The following KCTD8 variants were observed in gnomAD, a reference collection of about 807,000 sequenced individuals.
KCTD8 encodes potassium channel tetramerization domain containing 8, also known as BTB/POZ domain-containing protein KCTD8.
Under a neutral mutation model 31.5 loss-of-function variants are expected in KCTD8, and 27 were observed. The observed-to-expected ratio is 0.86, with a 90% CI of 0.63 to 1.18. The LOEUF (loss-of-function observed/expected upper bound fraction) is 1.18. Ranked by LOEUF, KCTD8 falls within the 50% of genes most tolerant of loss-of-function variation. The pLI, the probability that KCTD8 is intolerant of heterozygous loss-of-function variation, is 0.00. For synonymous variants in KCTD8, 290 were observed against 280.0 expected (o/e 1.04, Z -0.36); for missense variants, 658 against 647.7 (o/e 1.02, Z -0.17).
chr4:44,196,070 C>A (rs1407584933), intron 1 of KCTD8, among the ~76,000 whole-genome samples: 1 of 152,194 alleles, frequency 6.6e-6, no homozygotes, highest in Non-Finnish European at 1.5e-5. Context: ...GCACTAACAG[C>A]CCTCTAGAGG....
chr4:44,349,763 T>C (rs1379555983), intron 1 of KCTD8, among the ~76,000 whole-genome samples: 2 of 152,194 alleles, frequency 1.3e-5, no homozygotes, highest in Non-Finnish European at 2.9e-5. Context: ...ACAACTCTGA[T>C]TGTATCAAGG....
intron 1 of KCTD8, among the ~76,000 whole-genome samples, chr4:44,421,257 A>C (rs924039278): frequency 6.6e-6 from 1 of 152,164 alleles, no homozygotes; most frequent in Non-Finnish European, 1.5e-5. Flanking sequence ...CGAAAGAGAC[A>C]CATACATGAA....
chr4:44,266,419 G>T (rs899391259), intron 1 of KCTD8, among the ~76,000 whole-genome samples: 11 of 152,134 alleles, frequency 7.2e-5, no homozygotes, highest in South Asian at 2.1e-4. Context: ...GGAACAACTG[G>T]TACCAGCCAC....
chr4:44,401,906 A>G (rs1027696443), intron 1 of KCTD8, among the ~76,000 whole-genome samples: 1 of 152,214 alleles, frequency 6.6e-6, no homozygotes, highest in African/African-American at 2.4e-5. Flanking sequence ...TAGTGCCAAG[A>G]GCAATATACC....
chr4:44,427,713 A>G (rs556951786), intron 1 of KCTD8, among the ~76,000 whole-genome samples: 1 of 151,872 alleles, frequency 6.6e-6, no homozygotes, highest in South Asian at 2.1e-4. Context: ...ACAAAATGAA[A>G]CAAAGTAGAG....
chr4:44,271,926 T>C (rs1560412226), intron 1 of KCTD8, among the ~76,000 whole-genome samples: 1 of 151,994 alleles, frequency 6.6e-6, no homozygotes. Flanking sequence ...TGTGTGTCTT[T>C]AATCCTCTAG....
intron 1 of KCTD8, among the ~76,000 whole-genome samples, chr4:44,301,976 T>A (rs1414732574): frequency 1.3e-5 from 2 of 152,228 alleles, no homozygotes; most frequent in East Asian, 1.9e-4. Context: ...AAATAGGGAA[T>A]CCTTTCCCCA....
intron 1 of KCTD8, among the ~76,000 whole-genome samples, chr4:44,406,762 G>A (rs1720805631): frequency 6.6e-6 from 1 of 151,968 alleles, no homozygotes; most frequent in Non-Finnish European, 1.5e-5. Flanking sequence ...ACATTTTGGG[G>A]AAAAAAACAA....
Position 44,175,253 on chromosome 4 carries a change from A to G in KCTD8, c.962-3T>C. The G allele has an allele frequency of 6.7e-7, 1 of 1,488,816 alleles. No individual in the cohort carries two copies. The highest frequency in any genetic ancestry group is 9.0e-7 in the Non-Finnish European group (1 of 1,109,362). The allele number at this position is 1,488,816 out of a possible 1,614,324, so 92.2% of individuals were successfully genotyped here. A position where few individuals can be genotyped will look rare whatever the true frequency, so the allele number is the denominator to read the frequency against. ...TGATACTATTTTCTGAGGTGGTCCT[A>G]AAAAGGAGGAAAAAAAAAGAAGAAG... On this transcript the variant is annotated splice_region_variant and splice_polypyrimidine_tract_variant and intron_variant, in intron 1 of 1. Transcript: ENST00000360029.
At chr4:44,424,583 A>C (rs537384582) in intron 1 of KCTD8, among the ~76,000 whole-genome samples, 2 of 152,188 alleles carry the variant, frequency 1.3e-5, no homozygotes, top group South Asian at 4.1e-4. Flanking sequence ...TTTTCTCTCT[A>C]TAAGTCAGGT....
intron 1 of KCTD8, among the ~76,000 whole-genome samples, chr4:44,218,063 CT>C (rs1714700011): frequency 1.3e-5 from 2 of 150,126 alleles, no homozygotes; most frequent in Non-Finnish European, 3.0e-5. Flanking sequence ...CAAAGACCTA[CT>C]ATTTGATAGC....
Position 44,307,772 on chromosome 4 carries a change from T to C in KCTD8, c.962-132522A>G, listed in dbSNP as rs185324923. ...ATAATGAGCAAAGTAGTAATTATCA[T>C]GAAATAGGCCAGTGCTGTACACATA... On this transcript the variant is annotated intron_variant, in intron 1 of 1. Coordinates refer to ENST00000360029, the MANE Select transcript of KCTD8 (RefSeq NM_198353.3). Among the ~76,000 whole-genome samples, 47 of 152,104 alleles carry C rather than the reference T, an allele frequency of 3.1e-4. 1 individual carries two copies. In the East Asian group the frequency reaches 9.1e-3, roughly 29 times the overall value.
Position 44,259,640 on chromosome 4 carries a change from G to T in KCTD8, c.962-84390C>A, listed in dbSNP as rs373199975. ...TATAGTAAAGTAGCTTTTTGCTAACGCAAGTACAGGAGTGAAATATTCAAC... is the reference window on the plus strand; with the variant it reads ...TATAGTAAAGTAGCTTTTTGCTAACTCAAGTACAGGAGTGAAATATTCAAC... On this transcript the variant is annotated intron_variant, in intron 1 of 1. Coordinates refer to ENST00000360029, the MANE Select transcript of KCTD8 (RefSeq NM_198353.3). Among the ~76,000 whole-genome samples, 6 of 151,920 alleles carry T rather than the reference G, an allele frequency of 3.9e-5. No homozygotes were observed. The East Asian group carries it at 9.7e-4, about 25-fold the overall frequency.
At chr4:44,364,111 T>C (rs988283859) in intron 1 of KCTD8, among the ~76,000 whole-genome samples, 3 of 152,122 alleles carry the variant, frequency 2.0e-5, no homozygotes, top group Admixed American at 1.3e-4. Context: ...AAAACTTCTG[T>C]TTGTCAAAAG....
chr4:44,436,680 CAG>C (rs1721656098), intron 1 of KCTD8, among the ~76,000 whole-genome samples: 2 of 151,924 alleles, frequency 1.3e-5, no homozygotes, highest in African/African-American at 4.8e-5. Flanking sequence ...AAAAAAGAAA[CAG>C]ACATGAAGTG....
intron 1 of KCTD8, among the ~76,000 whole-genome samples, chr4:44,191,312 C>A (rs185686704): frequency 6.6e-6 from 1 of 152,034 alleles, no homozygotes; most frequent in Admixed American, 6.5e-5. Flanking sequence ...GTTAACTGTA[C>A]AAATTGATTG....
At position 44,174,928 on chromosome 4, in the gene KCTD8, C is replaced by G. The variant is rs746671350; in HGVS notation, c.1284G>C (p.Lys428Asn). The G allele has an allele frequency of 1.2e-6, 2 of 1,614,094 alleles. No individual in the cohort carries two copies. The highest frequency in any genetic ancestry group is 3.3e-5 in the Admixed American group (2 of 59,998). ...CCACACTTAGCTTCTCACAGACTTTCTTTTTGGACAGATTTGTTTCCCGGG... is the reference window on the plus strand; with the variant it reads ...CCACACTTAGCTTCTCACAGACTTTGTTTTTGGACAGATTTGTTTCCCGGG... ...SKSRETNLSK[K>N]KVCEKLSVEE... Residue 428 changes from lysine (K) to asparagine (N), a missense_variant, in exon 2 of 2, where the codon AAG (lysine) becomes AAC (asparagine). By Grantham distance (94) the Lys-to-Asn change is moderately conservative. Coordinates refer to ENST00000360029, the MANE Select transcript of KCTD8 (RefSeq NM_198353.3).
At chr4:44,324,304 T>C (rs1009173402) in intron 1 of KCTD8, among the ~76,000 whole-genome samples, 3 of 152,050 alleles carry the variant, frequency 2.0e-5, no homozygotes, top group Non-Finnish European at 4.4e-5. Context: ...CTATTAATTC[T>C]GAGATCCTCT....
intron 1 of KCTD8, among the ~76,000 whole-genome samples, chr4:44,281,876 G>A (rs1251866381): frequency 6.6e-6 from 1 of 152,012 alleles, no homozygotes; most frequent in East Asian, 1.9e-4. Context: ...GTAATGAAGA[G>A]GCAGGTCTAG....
Sources: gnomAD v4.1 joint callset for allele counts (sites outside exome capture counted in the v4.1 genomes callset) on GRCh38, gnomAD v4.1.1 for gene constraint, MANE v1.5 for transcripts, NCBI Gene and HGNC (gene_info 2026-07-23, HGNC 2026-07-21) for gene names.